The following GLB1 variants were observed in gnomAD, a reference collection of about 807,000 sequenced individuals.
The protein encoded by GLB1 is galactosidase beta 1.
Under a neutral mutation model 74.0 loss-of-function variants are expected in GLB1, and 56 were observed. The observed-to-expected ratio is 0.76, with a 90% CI of 0.61 to 0.94. The LOEUF (loss-of-function observed/expected upper bound fraction) is 0.94. Ranked by LOEUF, GLB1 falls within the 40% of genes least tolerant of loss-of-function variation. The pLI, the probability that GLB1 is intolerant of heterozygous loss-of-function variation, is 0.00. For missense variants in GLB1, 787 were observed against 845.5 expected, an observed-to-expected ratio of 0.93 and a Z score of 0.86; for synonymous variants, 323 against 323.6, an observed-to-expected ratio of 1.00 and a Z score of 0.02.
chr3:32,994,383 T>C (rs114156659), downstream of GLB1, among the ~76,000 whole-genome samples: 1,077 of 152,252 alleles, frequency 7.1e-3, 14 homozygotes, highest in African/African-American at 0.023. Context: ...GTTTAGATAG[T>C]AGGTAATAAA....
chr3:33,017,591 C>T (rs1481296168), intron 13 of GLB1, among the ~76,000 whole-genome samples: 1 of 152,138 alleles, frequency 6.6e-6, no homozygotes, highest in Non-Finnish European at 1.5e-5. Context: ...TTCCTGTGTT[C>T]CTTCCTGTGA....
At chr3:33,036,062 A>T (rs1698264221) in intron 10 of GLB1, among the ~76,000 whole-genome samples, 1 of 152,240 alleles carries the variant, frequency 6.6e-6, no homozygotes, top group African/African-American at 2.4e-5. Flanking sequence ...ACTAGAGATC[A>T]TGAAAGATCC....
the GLB1 span, among the ~76,000 whole-genome samples, chr3:32,981,719 G>T: frequency 2.0e-5 from 3 of 151,562 alleles, no homozygotes; most frequent in Middle Eastern, 3.4e-3. Flanking sequence ...GTTGCAGTGA[G>T]CTGAGATTGC....
chr3:33,004,260 TC>T (rs1696699313), intron 15 of GLB1, among the ~76,000 whole-genome samples: 2 of 152,168 alleles, frequency 1.3e-5, no homozygotes, highest in African/African-American at 4.8e-5. Flanking sequence ...GATGGTCTCA[TC>T]TTCTCTGTTG....
At chr3:32,983,246 A>C in the GLB1 span, among the ~76,000 whole-genome samples, 1 of 152,092 alleles carries the variant, frequency 6.6e-6, no homozygotes, top group African/African-American at 2.4e-5. Context: ...ATGTTTAATC[A>C]TTTCACTTTA....
At chr3:33,070,374 G>C (rs1041968477) in intron 2 of GLB1, among the ~76,000 whole-genome samples, 4 of 152,190 alleles carry the variant, frequency 2.6e-5, no homozygotes, top group African/African-American at 9.7e-5. Flanking sequence ...AAGATATGGT[G>C]TAGAACCATA....
chr3:33,068,389 T>G lies in GLB1; in HGVS notation c.397-99A>C, dbSNP rs188497888. 8,128 of 1,514,090 alleles carry G rather than the reference T, an allele frequency of 5.4e-3. 25 individuals carry two copies. The highest frequency in any genetic ancestry group is 6.1e-3 in the Non-Finnish European group (6,807 of 1,118,862). 93.8% of individuals were successfully genotyped at this position (1,514,090 alleles called of 1,614,324 possible). ...AGTAGTTATGGAAAAGAATAAAAGC[T>G]TCAAGGGACAAGGGGTATTTGAGCT... On this transcript the variant is annotated intron_variant, in intron 3 of 15. Transcript: ENST00000307363.
At chr3:32,993,888 C>T (rs1405171018), downstream of GLB1, among the ~76,000 whole-genome samples, 3 of 152,006 alleles carry the variant, frequency 2.0e-5, no homozygotes, top group Non-Finnish European at 4.4e-5. Context: ...AGCCTAGTCT[C>T]GAATTCCTGG....
chr3:33,092,741 C>A (rs911699153), intron 1 of GLB1: 2 of 1,504,702 alleles, frequency 1.3e-6, no homozygotes, highest in Non-Finnish European at 1.8e-6. Flanking sequence ...GATGAGTGGG[C>A]AAGGCTGGAG....
At position 33,089,678 on chromosome 3, in the gene GLB1, C is replaced by T. The variant is rs1700667052; in HGVS notation, c.75+7333G>A. 2.6e-5 allele frequency among the ~76,000 whole-genome samples: 4 copies of T among 152,308 alleles called. 1 individual carries two copies. In the South Asian group the frequency reaches 8.3e-4, roughly 32 times the overall value. ...AAAAGACAAAAACTGCATGATTTCA[C>T]TTATACGAGGTATCTAAAGCAGTCA... On this transcript the variant is annotated intron_variant, in intron 1 of 15. Coordinates refer to ENST00000307363, the MANE Select transcript of GLB1 (RefSeq NM_000404.4).
At chr3:32,967,778 C>T in the GLB1 span, among the ~76,000 whole-genome samples, 1 of 152,178 alleles carries the variant, frequency 6.6e-6, no homozygotes, top group Non-Finnish European at 1.5e-5. Context: ...ACCTGGCATC[C>T]AAGGTGCACC....
intron 1 of GLB1, among the ~76,000 whole-genome samples, chr3:33,085,357 A>T (rs1191169232): frequency 1.3e-5 from 2 of 152,064 alleles, no homozygotes; most frequent in African/African-American, 4.8e-5. Flanking sequence ...CAGGAGATAC[A>T]GGAAAATCTC....
At chr3:32,970,868 A>T in the GLB1 span, among the ~76,000 whole-genome samples, 1 of 152,220 alleles carries the variant, frequency 6.6e-6, no homozygotes, top group Admixed American at 6.5e-5. Flanking sequence ...TTTGAGGTTC[A>T]TATTAAATCG....
chr3:33,004,515 A>G (rs1696707511), intron 15 of GLB1, among the ~76,000 whole-genome samples: 1 of 152,236 alleles, frequency 6.6e-6, no homozygotes, highest in South Asian at 2.1e-4. Context: ...ATTTAAAAAT[A>G]GTAGAGCCAT....
intron 11 of GLB1, among the ~76,000 whole-genome samples, chr3:33,022,564 A>ATTTTTTTGTTTTTTTTTTTT (rs1697540142): frequency 1.6e-5 from 1 of 63,746 alleles, no homozygotes; most frequent in South Asian, 1.1e-3. Flanking sequence ...ACTGGTTAGG[A>ATTTTTTTGTTTTTTTTTTTT]TTTTTTTTTT....
intron 1 of GLB1, chr3:33,094,163 C>T (rs753755429): frequency 5.0e-6 from 8 of 1,611,342 alleles, no homozygotes; most frequent in African/African-American, 4.0e-5. Context: ...GGGTGGCCTT[C>T]GCGCCTAGGG....
At chr3:33,041,007 T>C (rs1382032198) in intron 10 of GLB1, among the ~76,000 whole-genome samples, 1 of 152,136 alleles carries the variant, frequency 6.6e-6, no homozygotes, top group Non-Finnish European at 1.5e-5. Flanking sequence ...ACAATCAGAA[T>C]GCTGCACAGA....
At chr3:33,018,120 CA>C (rs985533222) in intron 13 of GLB1, among the ~76,000 whole-genome samples, 6 of 150,754 alleles carry the variant, frequency 4.0e-5, no homozygotes, top group Admixed American at 6.6e-5. Flanking sequence ...CCTGTCTCTA[CA>C]AAAAAAATCA....
At chr3:33,081,136 C>T (rs563805584) in intron 1 of GLB1, among the ~76,000 whole-genome samples, 7 of 152,234 alleles carry the variant, frequency 4.6e-5, no homozygotes, top group Admixed American at 2.0e-4. Flanking sequence ...AAGACAGTGA[C>T]GGTTTGATGG....
Sources: allele counts gnomAD v4.1 joint callset (sites outside exome capture counted in the v4.1 genomes callset), GRCh38; gene constraint gnomAD v4.1.1; transcripts MANE v1.5; gene names NCBI Gene and HGNC (gene_info 2026-07-23, HGNC 2026-07-21).